PRKRIP1: variants seen among roughly 807,000 people sequenced by gnomAD.
The protein encoded by PRKRIP1 is PRKR interacting protein 1, also known as PRKR-interacting protein 1.
In PRKRIP1, 29 loss-of-function variants were observed where a neutral mutation model predicts 29.3. That is an observed-to-expected ratio of 0.99 (90% CI 0.74 to 1.35). PRKRIP1 has a LOEUF of 1.35. Among genes scored for constraint, PRKRIP1 ranks in the 40% most tolerant of loss-of-function variants. The pLI, the probability that PRKRIP1 is intolerant of heterozygous loss-of-function variation, is 0.00. For synonymous variants in PRKRIP1, 90 were observed against 85.1 expected (o/e 1.06, Z -0.32); for missense variants, 247 against 236.8 (o/e 1.04, Z -0.28).
chr7:102,405,083 T>C (rs1362284858), intron 4 of PRKRIP1, among the ~76,000 whole-genome samples: 1 of 152,138 alleles, frequency 6.6e-6, no homozygotes, highest in African/African-American at 2.4e-5. Flanking sequence ...CCTGCCACCA[T>C]ACCCAGCTAA....
At chr7:102,398,333 G>A (rs960341303) in intron 2 of PRKRIP1, among the ~76,000 whole-genome samples, 1 of 152,014 alleles carries the variant, frequency 6.6e-6, no homozygotes, top group Non-Finnish European at 1.5e-5. Flanking sequence ...CACCCAGGCT[G>A]TAGTGCAGTG....
Position 102,420,142 on chromosome 7 carries a change from T to C in PRKRIP1, c.458-4872T>C, listed in dbSNP as rs191813804. ...CTCAAGTGATCTGCCCGCCTTGGCCTCCCAAAGTGCTGGGATTACAGGCAT... is the reference window on the plus strand; with the variant it reads ...CTCAAGTGATCTGCCCGCCTTGGCCCCCCAAAGTGCTGGGATTACAGGCAT... On this transcript the variant is annotated intron_variant, in intron 5 of 5. Transcript: ENST00000397912. Among the ~76,000 whole-genome samples the C allele has an allele frequency of 4.9e-3, 750 of 152,288 alleles. 8 individuals are homozygous for C. Among genetic ancestry groups the C allele is most frequent in the African/African-American group, 0.018 (730 of 41,552 alleles).
At chr7:102,397,806 G>A (rs1227554886) in intron 2 of PRKRIP1, 108 bp downstream of exon 2, 1 of 978,884 alleles carries the variant, frequency 1.0e-6, no homozygotes, top group East Asian at 2.7e-5. Context: ...AGCACTTTGG[G>A]AGGCCGAGGC....
chr7:102,408,143 C>G (rs1586682799), intron 5 of PRKRIP1, among the ~76,000 whole-genome samples: 3 of 152,086 alleles, frequency 2.0e-5, no homozygotes, highest in Admixed American at 1.3e-4. Context: ...TGAGGTGGCT[C>G]CCATGGCTTC....
Position 102,426,434 on chromosome 7 carries a change from A to G in PRKRIP1, c.*1323A>G, listed in dbSNP as rs1486860761. The G allele has an allele frequency of 6.5e-6, 1 of 152,702 alleles. No individual in the cohort carries two copies. The highest frequency in any genetic ancestry group is 1.5e-5 in the Non-Finnish European group (1 of 68,062). The allele number at this position is 152,702 out of a possible 1,614,324, so 9.5% of individuals were successfully genotyped here. Reference sequence around the variant, plus strand: ...TTCCTGAGTCTATTTTATGCCCCTTACGTACTTTGATAGAACTAAGGAAAT... The same window carrying G: ...TTCCTGAGTCTATTTTATGCCCCTTGCGTACTTTGATAGAACTAAGGAAAT... On this transcript the variant is annotated 3_prime_UTR_variant, in exon 6 of 6. Coordinates refer to ENST00000397912, the MANE Select transcript of PRKRIP1 (RefSeq NM_024653.4).
At chr7:102,410,310 C>T (rs1209522440) in intron 5 of PRKRIP1, among the ~76,000 whole-genome samples, 1 of 152,190 alleles carries the variant, frequency 6.6e-6, no homozygotes, top group Non-Finnish European at 1.5e-5. Context: ...TCAATCGTTA[C>T]TGCTGTCTTG....
chr7:102,398,767 T>C (rs1230765346), intron 2 of PRKRIP1, among the ~76,000 whole-genome samples: 1 of 152,200 alleles, frequency 6.6e-6, no homozygotes, highest in African/African-American at 2.4e-5. Context: ...ATTCTTTAGT[T>C]TCCCACTGCA....
chr7:102,419,845 TTGTGTGTGTGTGTGTGTGTGTGTG>T (rs56752508), intron 5 of PRKRIP1, among the ~76,000 whole-genome samples: 70 of 142,818 alleles, frequency 4.9e-4, no homozygotes, highest in African/African-American at 1.7e-3. Context: ...TTTTGTGTTT[TTGTGTGTGTGTGTGTGTGTGTGTG>T]TGTGTGTGTG....
chr7:102,409,647 A>AC (rs1796324974), intron 5 of PRKRIP1, among the ~76,000 whole-genome samples: 1 of 151,802 alleles, frequency 6.6e-6, no homozygotes, highest in South Asian at 2.1e-4. Flanking sequence ...ACATAGTGAG[A>AC]CCCCATCTCT....
intron 5 of PRKRIP1, chr7:102,423,241 A>G (rs1185074182): frequency 4.7e-6 from 2 of 422,484 alleles, no homozygotes; most frequent in African/African-American, 2.1e-5. Flanking sequence ...CAGCCTCCCA[A>G]GTGGCTGGGA....
chr7:102,397,490 G>A, intron 1 of PRKRIP1, 130 bp from the exon 2 acceptor site: 1 of 694,514 alleles, frequency 1.4e-6, no homozygotes, highest in Non-Finnish European at 2.5e-6. Flanking sequence ...AGGCTGCAGT[G>A]AGCTCTGATT....
At chr7:102,397,221 T>G (rs1795930999) in intron 1 of PRKRIP1, among the ~76,000 whole-genome samples, 1 of 152,132 alleles carries the variant, frequency 6.6e-6, no homozygotes, top group South Asian at 2.1e-4. Flanking sequence ...TCCTGCTTCA[T>G]TAGTCAATTA....
intron 4 of PRKRIP1, among the ~76,000 whole-genome samples, chr7:102,406,079 G>C (rs541536949): frequency 3.8e-4 from 58 of 152,320 alleles, no homozygotes; most frequent in African/African-American, 1.3e-3. Context: ...AGCATTGGTT[G>C]TGTGACTCGT....
rs573097794 is a variant in PRKRIP1 at position 102,400,101 on chromosome 7, C to T, written c.306+453C>T. On this transcript the variant is annotated intron_variant, in intron 3 of 5. Coordinates refer to ENST00000397912, the MANE Select transcript of PRKRIP1 (RefSeq NM_024653.4). ...TGTGAGGTCTGCCTTCTACGGACAG[C>T]ACAAAATGCAGAGTCTCTACTAAAA... Among the ~76,000 whole-genome samples the T allele has an allele frequency of 4.0e-5, 6 of 151,436 alleles. No homozygotes were observed. In the South Asian group the frequency reaches 1.2e-3, roughly 32 times the overall value.
Position 102,408,930 on chromosome 7 carries a change from T to C in PRKRIP1, c.457+1432T>C, listed in dbSNP as rs527390972. On this transcript the variant is annotated intron_variant, in intron 5 of 5. Coordinates refer to ENST00000397912, the MANE Select transcript of PRKRIP1 (RefSeq NM_024653.4). ...GGCTCATGCCTGTAATCCCAGCACT[T>C]TGGGAAGCCAAGGCGAGTGGATCAC... Among the ~76,000 whole-genome samples the C allele has an allele frequency of 4.0e-5, 6 of 151,778 alleles. No homozygotes were observed. The East Asian group carries it at 1.2e-3, about 29-fold the overall frequency.
chr7:102,403,286 T>G (rs921577240), intron 3 of PRKRIP1, among the ~76,000 whole-genome samples: 1 of 152,244 alleles, frequency 6.6e-6, no homozygotes. Context: ...AGGAATATTT[T>G]CTGCCCTCAG....
chr7:102,421,424 A>C (rs1554573726), intron 5 of PRKRIP1, among the ~76,000 whole-genome samples: 2 of 152,036 alleles, frequency 1.3e-5, no homozygotes, highest in Non-Finnish European at 2.9e-5. Context: ...ACACACCCAT[A>C]GTCTCAGCTA....
intron 5 of PRKRIP1, among the ~76,000 whole-genome samples, chr7:102,417,177 A>C (rs1796576545): frequency 2.6e-5 from 4 of 151,858 alleles, no homozygotes; most frequent in Admixed American, 2.6e-4. Context: ...TTTTCTGGAG[A>C]TGGGGTCTCA....
Position 102,396,380 on chromosome 7 carries a change from C to G in PRKRIP1, c.-32C>G. On this transcript the variant is annotated 5_prime_UTR_variant, in exon 1 of 6. Transcript: ENST00000397912. ...GTGTCGTCATACTTGCGCGCCGACGCCGCCGCTCGCTTGTGAAACTGGAAG... is the reference window on the plus strand; with the variant it reads ...GTGTCGTCATACTTGCGCGCCGACGGCGCCGCTCGCTTGTGAAACTGGAAG... The G allele has an allele frequency of 6.7e-7, 1 of 1,502,752 alleles. No individual in the cohort carries two copies. Among genetic ancestry groups the G allele is most frequent in the Non-Finnish European group, 8.8e-7 (1 of 1,131,422 alleles). 93.1% of individuals were successfully genotyped at this position (1,502,752 alleles called of 1,614,324 possible).
Sources: allele counts gnomAD v4.1 joint callset (sites outside exome capture counted in the v4.1 genomes callset), GRCh38; gene constraint gnomAD v4.1.1; transcripts MANE v1.5; gene names NCBI Gene and HGNC (gene_info 2026-07-23, HGNC 2026-07-21).